The following LDLRAD4 variants were observed in gnomAD, a reference collection of about 807,000 sequenced individuals.
LDLRAD4 encodes low-density lipoprotein receptor class A domain-containing protein 4.
In LDLRAD4, 5 loss-of-function variants were observed where a neutral mutation model predicts 17.0. The ratio of observed to expected loss-of-function variants is 0.29; its 90% CI spans 0.15 to 0.62. LDLRAD4 has a LOEUF of 0.62. LDLRAD4 is among the 20% of genes least tolerant of loss of function. The pLI, the probability that LDLRAD4 is intolerant of heterozygous loss-of-function variation, is 0.84. For synonymous variants in LDLRAD4, 168 were observed against 171.8 expected, an observed-to-expected ratio of 0.98 and a Z score of 0.17; for missense variants, 340 against 424.7, an observed-to-expected ratio of 0.80 and a Z score of 1.75.
At chr18:13,395,776 G>A (rs2086643463) in intron 2 of LDLRAD4, among the ~76,000 whole-genome samples, 1 of 151,180 alleles carries the variant, frequency 6.6e-6, no homozygotes, top group East Asian at 1.9e-4. Flanking sequence ...GTGGGGGCAT[G>A]GGCTGCAGAG....
intron 1 of LDLRAD4, among the ~76,000 whole-genome samples, chr18:13,349,423 AT>A (rs1232788372): frequency 1.3e-5 from 2 of 152,174 alleles, no homozygotes; most frequent in African/African-American, 4.8e-5. Context: ...ACAGACCAAA[AT>A]TACAATAACC....
chr18:13,425,091 A>G (rs1568132157), intron 2 of LDLRAD4, among the ~76,000 whole-genome samples: 1 of 152,348 alleles, frequency 6.6e-6, no homozygotes, highest in Non-Finnish European at 1.5e-5. Context: ...TAACAAATAA[A>G]CAATACTGTG....
chr18:13,231,800 A>G (rs1248935245), intron 1 of LDLRAD4, among the ~76,000 whole-genome samples: 1 of 152,256 alleles, frequency 6.6e-6, no homozygotes, highest in Non-Finnish European at 1.5e-5. Context: ...AAATGTACAT[A>G]GAAGTATAAT....
chr18:13,597,096 T>C (rs185601397), intron 3 of LDLRAD4, among the ~76,000 whole-genome samples: 1 of 152,220 alleles, frequency 6.6e-6, no homozygotes, highest in African/African-American at 2.4e-5. Flanking sequence ...ATTTCTTAAG[T>C]GAGTCTACTA....
intron 2 of LDLRAD4, among the ~76,000 whole-genome samples, chr18:13,415,920 A>T (rs1182323350): frequency 1.3e-5 from 2 of 152,162 alleles, no homozygotes; most frequent in African/African-American, 4.8e-5. Context: ...GCCTTCCAGG[A>T]TGGAGGTTGA....
chr18:13,322,096 A>G (rs2081278034), intron 1 of LDLRAD4, among the ~76,000 whole-genome samples: 2 of 151,600 alleles, frequency 1.3e-5, no homozygotes, highest in Non-Finnish European at 2.9e-5. Context: ...AAAAAAATCT[A>G]GTGGTGATCT....
chr18:13,285,369 G>T (rs1001768954), intron 1 of LDLRAD4, among the ~76,000 whole-genome samples: 3 of 152,198 alleles, frequency 2.0e-5, no homozygotes, highest in African/African-American at 7.2e-5. Flanking sequence ...CAGATTGGAG[G>T]TGTCATGAGT....
chr18:13,563,050 C>T (rs1241172920), intron 3 of LDLRAD4: 2 of 152,184 alleles, frequency 1.3e-5, no homozygotes, highest in Non-Finnish European at 2.9e-5. Flanking sequence ...AAACTTAACC[C>T]CTCATTTCCC....
chr18:13,252,924 T>C (rs528049719), intron 1 of LDLRAD4, among the ~76,000 whole-genome samples: 1 of 152,340 alleles, frequency 6.6e-6, no homozygotes, highest in African/African-American at 2.4e-5. Context: ...GTTGTTTTGC[T>C]GGTTTTCCAG....
At chr18:13,395,810 C>T (rs962516164) in intron 2 of LDLRAD4, among the ~76,000 whole-genome samples, 4 of 151,696 alleles carry the variant, frequency 2.6e-5, no homozygotes, top group Non-Finnish European at 5.9e-5. Flanking sequence ...GCTTAGCTCC[C>T]GGGGCCCTCT....
chr18:13,246,586 G>A (rs2042966670), intron 1 of LDLRAD4, among the ~76,000 whole-genome samples: 1 of 152,228 alleles, frequency 6.6e-6, no homozygotes, highest in South Asian at 2.1e-4. Flanking sequence ...CTAAGGGGTG[G>A]CTGGCCAGCT....
At chr18:13,347,970 C>T (rs1010998350) in intron 1 of LDLRAD4, among the ~76,000 whole-genome samples, 14 of 152,244 alleles carry the variant, frequency 9.2e-5, no homozygotes, top group Middle Eastern at 3.4e-3. Context: ...GTTAGCCATT[C>T]GTCTAATCTT....
exon 6 of LDLRAD4, chr18:13,652,409 T>C (rs777362622): frequency 1.3e-5 from 2 of 152,372 alleles, no homozygotes; most frequent in Non-Finnish European, 2.9e-5. Flanking sequence ...ATTTTTATTA[T>C]AAAGCAATCT....
At chr18:13,582,180 A>G (rs1179057018) in intron 3 of LDLRAD4, among the ~76,000 whole-genome samples, 1 of 152,236 alleles carries the variant, frequency 6.6e-6, no homozygotes, top group African/African-American at 2.4e-5. Flanking sequence ...GAAAAAACAA[A>G]AAAACCTAAA....
At chr18:13,583,729 C>T (rs12967687) in intron 3 of LDLRAD4, among the ~76,000 whole-genome samples, 17,931 of 152,044 alleles carry the variant, frequency 0.12, 1,145 homozygotes, top group Middle Eastern at 0.21. Context: ...TTGGGGGGCC[C>T]GGCCGCGCCG....
At chr18:13,272,410 C>T (rs1227279897) in intron 1 of LDLRAD4, among the ~76,000 whole-genome samples, 3 of 152,238 alleles carry the variant, frequency 2.0e-5, no homozygotes, top group Non-Finnish European at 4.4e-5. Context: ...ATTCCTTGTT[C>T]GTTCCCGGCA....
rs190388890 is a variant in LDLRAD4, at chr18:13,280,968, G to A, written c.-383+2780G>A. 5.0e-3 allele frequency among the ~76,000 whole-genome samples: 765 copies of A among 152,288 alleles called. 12 individuals carry two copies. Among genetic ancestry groups the A allele is most frequent in the African/African-American group, 0.018 (737 of 41,564 alleles). On this transcript the variant is annotated intron_variant, in intron 1 of 5. Coordinates refer to ENST00000359446, the Ensembl canonical transcript of LDLRAD4. ...AAGGTAAAATCAAAGAGGACCAATA[G>A]TACTGGGAGAAGCAATCATTACCTT...
At chr18:13,487,489 G>A (rs1301700088) in intron 3 of LDLRAD4, 4 of 152,400 alleles carry the variant, frequency 2.6e-5, no homozygotes, top group Middle Eastern at 3.4e-3. Flanking sequence ...TGGCATCGGC[G>A]TCATTTCTTT....
At chr18:13,382,385 A>G (rs1224132711) in intron 1 of LDLRAD4, among the ~76,000 whole-genome samples, 1 of 152,196 alleles carries the variant, frequency 6.6e-6, no homozygotes, top group African/African-American at 2.4e-5. Flanking sequence ...ATAACTGGTA[A>G]GGCAGACATA....
Sources: gnomAD v4.1 joint callset for allele counts (sites outside exome capture counted in the v4.1 genomes callset) on GRCh38, gnomAD v4.1.1 for gene constraint, MANE v1.5 for transcripts, NCBI Gene and HGNC (gene_info 2026-07-23, HGNC 2026-07-21) for gene names.